The following TMEM132B variants were observed in gnomAD, a reference collection of about 807,000 sequenced individuals.
TMEM132B encodes transmembrane protein 132B.
In TMEM132B, 18 loss-of-function variants were observed where a neutral mutation model predicts 90.8. The observed-to-expected ratio is 0.20, with a 90% CI of 0.14 to 0.29. The LOEUF (loss-of-function observed/expected upper bound fraction) is 0.29, where lower values mean the gene tolerates loss of function less well. Among genes scored for constraint, TMEM132B ranks in the 10% least tolerant of loss-of-function variants. The pLI, the probability that TMEM132B is intolerant of heterozygous loss-of-function variation, is 1.00. For synonymous variants in TMEM132B, 504 were observed against 523.3 expected (o/e 0.96, Z 0.50); for missense variants, 1,096 against 1,326.8 (o/e 0.83, Z 2.70).
At chr12:125,189,884 G>A in intron 1 of TMEM132B, among the ~76,000 whole-genome samples, 1 of 152,144 alleles carries the variant, frequency 6.6e-6, no homozygotes, top group Non-Finnish European at 1.5e-5. Context: ...AGCTCTATGT[G>A]GCTGGGTGGC....
intron 4 of TMEM132B, among the ~76,000 whole-genome samples, chr12:125,522,440 G>A (rs978576931): frequency 2.0e-5 from 3 of 152,222 alleles, no homozygotes; most frequent in African/African-American, 7.2e-5. Context: ...GGGAGCAGCT[G>A]CTAGCCTGAG....
chr12:125,589,693 G>A (rs1420674300), intron 5 of TMEM132B, among the ~76,000 whole-genome samples: 2 of 151,998 alleles, frequency 1.3e-5, no homozygotes, highest in Non-Finnish European at 2.9e-5. Flanking sequence ...AGCAAGCAGG[G>A]CAGAGGAAGG....
rs11609079 is a variant in TMEM132B at position 125,593,250 on chromosome 12, G to A, written c.1437+9256G>A. 5.1e-3 allele frequency among the ~76,000 whole-genome samples: 784 copies of A among 152,268 alleles called. 6 individuals carry two copies. The highest frequency in any genetic ancestry group is 8.1e-3 in the Non-Finnish European group (552 of 68,024). ...TGTCATATATTTCCTGTTGGCCTGG[G>A]ATAGATATTGCTGCATTCTCAACCT... is the stretch of plus-strand genomic sequence containing the variant. On this transcript the variant is annotated intron_variant, in intron 5 of 8. Transcript: ENST00000682704.
intron 5 of TMEM132B, among the ~76,000 whole-genome samples, chr12:125,631,591 A>G (rs1191371385): frequency 6.6e-6 from 1 of 152,138 alleles, no homozygotes; most frequent in Non-Finnish European, 1.5e-5. Flanking sequence ...TGGGATGTTG[A>G]AGTGTCCAGC....
chr12:125,414,359 T>G (rs1470991915), intron 2 of TMEM132B, among the ~76,000 whole-genome samples: 2 of 152,196 alleles, frequency 1.3e-5, no homozygotes, highest in Non-Finnish European at 2.9e-5. Context: ...ATTTGATTAA[T>G]TAATCTTGGA....
chr12:125,515,662 C>T (rs542137240), intron 3 of TMEM132B, among the ~76,000 whole-genome samples: 6 of 151,434 alleles, frequency 4.0e-5, no homozygotes, highest in Non-Finnish European at 7.4e-5. Flanking sequence ...CCCCTTCACA[C>T]ATTCTTTCTC....
chr12:125,561,212 G>A (rs1267120317), intron 4 of TMEM132B, among the ~76,000 whole-genome samples: 3 of 152,280 alleles, frequency 2.0e-5, no homozygotes, highest in Middle Eastern at 3.4e-3. Context: ...ATGAGTTCAT[G>A]TGCTTTGCAG....
intron 5 of TMEM132B, among the ~76,000 whole-genome samples, chr12:125,603,474 G>A (rs1468051327): frequency 6.6e-6 from 1 of 152,162 alleles, no homozygotes; most frequent in Non-Finnish European, 1.5e-5. Flanking sequence ...AGACTTACAT[G>A]TGAAACCCCA....
At chr12:125,291,254 C>A (rs1487867374) in intron 1 of TMEM132B, among the ~76,000 whole-genome samples, 3 of 152,312 alleles carry the variant, frequency 2.0e-5, no homozygotes, top group East Asian at 1.9e-4. Context: ...CAAGCTGACA[C>A]CTAACCTTAG....
At chr12:125,519,725 T>C in intron 4 of TMEM132B, 100 bp downstream of exon 4, 1 of 1,215,920 alleles carries the variant, frequency 8.2e-7, no homozygotes, top group Non-Finnish European at 1.2e-6. Context: ...TGATACACTG[T>C]TTAAACAAGG....
At chr12:125,238,413 A>G (rs918568230) in intron 1 of TMEM132B, among the ~76,000 whole-genome samples, 20 of 150,788 alleles carry the variant, frequency 1.3e-4, no homozygotes, top group Non-Finnish European at 2.1e-4. Context: ...GCAGTCTCAG[A>G]TGTGGGCTTT....
chr12:125,356,503 A>G (rs1877778357), intron 2 of TMEM132B, among the ~76,000 whole-genome samples: 1 of 151,996 alleles, frequency 6.6e-6, no homozygotes, highest in African/African-American at 2.4e-5. Context: ...ATTCTCTGAC[A>G]CTCCACAGCT....
At chr12:125,583,189 C>T (rs1200253473) in intron 4 of TMEM132B, among the ~76,000 whole-genome samples, 3 of 152,194 alleles carry the variant, frequency 2.0e-5, no homozygotes, top group East Asian at 3.9e-4. Flanking sequence ...ATTTGACAGA[C>T]TGAGATAAAC....
chr12:125,547,969 T>C (rs570680732), intron 4 of TMEM132B, among the ~76,000 whole-genome samples: 1 of 152,336 alleles, frequency 6.6e-6, no homozygotes, highest in African/African-American at 2.4e-5. Flanking sequence ...GATTCCTTTT[T>C]ATCTGATATT....
At chr12:125,553,482 G>A (rs80350787) in intron 4 of TMEM132B, among the ~76,000 whole-genome samples, 6,614 of 152,288 alleles carry the variant, frequency 0.043, 249 homozygotes, top group African/African-American at 0.089. Flanking sequence ...GTAGGGTTAC[G>A]AGCAGGTCCG....
intron 1 of TMEM132B, among the ~76,000 whole-genome samples, chr12:125,316,010 C>G (rs1347413871): frequency 2.6e-5 from 4 of 152,174 alleles, no homozygotes; most frequent in African/African-American, 9.7e-5. Flanking sequence ...TCTGGGGACA[C>G]AGGTGGTCTT....
At chr12:125,589,439 GC>G (rs1201640788) in intron 5 of TMEM132B, among the ~76,000 whole-genome samples, 3 of 139,254 alleles carry the variant, frequency 2.2e-5, no homozygotes, top group South Asian at 4.5e-4. Flanking sequence ...CCAAGATTGC[GC>G]CACTGCACCC....
In TMEM132B at chr12:125,490,638, G is replaced by A. The variant is rs897404319; in HGVS notation, c.1107-28801G>A. 2.0e-5 allele frequency among the ~76,000 whole-genome samples: 3 copies of A among 151,794 alleles called. No individual in the cohort carries two copies. The highest frequency in any genetic ancestry group is 7.3e-5 in the African/African-American group (3 of 41,308). On this transcript the variant is annotated intron_variant, in intron 3 of 8. Coordinates refer to ENST00000682704, the MANE Select transcript of TMEM132B (RefSeq NM_001366854.1). The surrounding 1 kb of genome is among the most constrained non-coding windows in gnomAD (Gnocchi z 4.2). Reference sequence around the variant, plus strand: ...CCACCACGCCTGGCTAATTTTTTGTGTGTGTTTTTAGTAGAGATGGGGTTT... The same window carrying A: ...CCACCACGCCTGGCTAATTTTTTGTATGTGTTTTTAGTAGAGATGGGGTTT...
chr12:125,191,793 A>C (rs918282287), intron 1 of TMEM132B, among the ~76,000 whole-genome samples: 1 of 151,626 alleles, frequency 6.6e-6, no homozygotes, highest in Non-Finnish European at 1.5e-5. Flanking sequence ...TGGCAGGCCG[A>C]ATTTTGGTCT....
Sources: gnomAD v4.1 joint callset for allele counts (sites outside exome capture counted in the v4.1 genomes callset) on GRCh38, gnomAD v4.1.1 for gene constraint, Gnocchi (gnomAD v3.1) non-coding constraint, MANE v1.5 for transcripts, NCBI Gene and HGNC (gene_info 2026-07-23, HGNC 2026-07-21) for gene names.